The following KIF6 variants were observed in gnomAD, a reference collection of about 807,000 sequenced individuals.
The protein encoded by KIF6 is kinesin family member 6.
Under a neutral mutation model 112.7 loss-of-function variants are expected in KIF6, and 106 were observed. The observed-to-expected ratio is 0.94, with a 90% CI of 0.80 to 1.11. The LOEUF (loss-of-function observed/expected upper bound fraction) is 1.11, where lower values mean the gene tolerates loss of function less well. KIF6 is among the 50% of genes least tolerant of loss of function. KIF6 has a pLI of 0.00. For missense variants in KIF6, 929 were observed against 964.0 expected, an observed-to-expected ratio of 0.96 and a Z score of 0.48; for synonymous variants, 339 against 339.9, an observed-to-expected ratio of 1.00 and a Z score of 0.03.
chr6:39,578,163 C>A lies in KIF6; in HGVS notation c.1078-4G>T. 1 of 1,590,742 alleles carries A rather than the reference C, an allele frequency of 6.3e-7. No individual in the cohort carries two copies. The highest frequency in any genetic ancestry group is 1.7e-5 in the Admixed American group (1 of 59,954). ...CCTTTTGTAGGCGTTTAATCACCTA[C>A]AAATGGCAAAGAGGCAGAGAAAATG... On this transcript the variant is annotated splice_polypyrimidine_tract_variant and splice_region_variant and intron_variant, in intron 9 of 22. Transcript: ENST00000287152.
chr6:39,705,057 G>A (rs985870917), intron 3 of KIF6, among the ~76,000 whole-genome samples: 7 of 152,156 alleles, frequency 4.6e-5, no homozygotes, highest in East Asian at 1.9e-4. Context: ...TTGTAAAGTC[G>A]TTTAGAGCAC....
intron 15 of KIF6, among the ~76,000 whole-genome samples, chr6:39,397,433 CAAAGAGGAAAGAGGAAG>C: frequency 6.6e-6 from 1 of 152,166 alleles, no homozygotes; most frequent in Admixed American, 6.5e-5. Context: ...TAAATATTTT[CAAAGAGGAAAGAGGAAG>C]GAGAGAGGTG....
rs546516163 is a variant in KIF6, at chr6:39,616,510, G to A, written c.510-3192C>T. On this transcript the variant is annotated intron_variant, in intron 5 of 22. Coordinates refer to ENST00000287152, the MANE Select transcript of KIF6 (RefSeq NM_145027.6). ...CTGCTTAGGGCTCATTTGTGGGCAC[G>A]CTATAAAAGGGTCCACTTCTGGCAT... Among the ~76,000 whole-genome samples the A allele has an allele frequency of 6.6e-5, 10 of 152,224 alleles. No individual in the cohort carries two copies. In the East Asian group the frequency reaches 9.7e-4, roughly 15 times the overall value.
At chr6:39,356,083 C>A (rs1382768891) in intron 19 of KIF6, among the ~76,000 whole-genome samples, 1 of 151,934 alleles carries the variant, frequency 6.6e-6, no homozygotes, top group Non-Finnish European at 1.5e-5. Flanking sequence ...GACCGAGTCT[C>A]ACACTTGGTT....
intron 13 of KIF6, among the ~76,000 whole-genome samples, chr6:39,531,022 C>A (rs1778029082): frequency 6.7e-6 from 1 of 148,936 alleles, no homozygotes; most frequent in Non-Finnish European, 1.5e-5. Flanking sequence ...GTAGTTTTGC[C>A]AAAAAAAAAC....
intron 6 of KIF6, among the ~76,000 whole-genome samples, chr6:39,612,653 A>G (rs1037236543): frequency 6.6e-6 from 1 of 152,224 alleles, no homozygotes; most frequent in East Asian, 1.9e-4. Context: ...TATGCCAACA[A>G]TAGCTGCAAA....
chr6:39,497,325 T>A (rs1193333704), intron 13 of KIF6, among the ~76,000 whole-genome samples: 2 of 152,230 alleles, frequency 1.3e-5, no homozygotes, highest in African/African-American at 4.8e-5. Context: ...GCATGAAGAT[T>A]GGGATAGCTG....
Position 39,394,700 on chromosome 6 carries a change from TA to T in KIF6, c.1811-9029del, listed in dbSNP as rs1224083541. On this transcript the variant is annotated intron_variant, in intron 15 of 22. Transcript: ENST00000287152. Reference sequence around the variant, plus strand: ...ATACAGTGGGAGGCCAGGAGTGGCCTAAATGCTAGGCAAATGTTTTTAAGCT... The same window carrying T: ...ATACAGTGGGAGGCCAGGAGTGGCCTAATGCTAGGCAAATGTTTTTAAGCT... 3.3e-5 allele frequency among the ~76,000 whole-genome samples: 5 copies of T among 152,346 alleles called. No homozygotes were observed. In the East Asian group the frequency reaches 9.6e-4, roughly 29 times the overall value.
intron 3 of KIF6, among the ~76,000 whole-genome samples, chr6:39,670,064 C>T (rs1786711779): frequency 6.6e-6 from 1 of 152,290 alleles, no homozygotes. Context: ...ACACCCGTGA[C>T]AACGCCCTGA....
intron 3 of KIF6, among the ~76,000 whole-genome samples, chr6:39,641,948 T>C (rs1299362777): frequency 6.6e-6 from 1 of 152,146 alleles, no homozygotes; most frequent in Admixed American, 6.6e-5. Context: ...GCTTGACCTA[T>C]ATATACTCCC....
intron 9 of KIF6, among the ~76,000 whole-genome samples, chr6:39,582,404 T>G (rs141001159): frequency 1.9e-3 from 285 of 152,146 alleles, no homozygotes; most frequent in African/African-American, 6.6e-3. Context: ...TGTTTTGTTT[T>G]GTTTGGTTTG....
chr6:39,528,177 T>C (rs954177498), intron 13 of KIF6, among the ~76,000 whole-genome samples: 2 of 152,216 alleles, frequency 1.3e-5, no homozygotes, highest in Non-Finnish European at 2.9e-5. Flanking sequence ...TGAGTTCGAT[T>C]GTTTTAGATT....
chr6:39,371,931 C>A (rs968212447), intron 16 of KIF6, among the ~76,000 whole-genome samples: 6 of 152,142 alleles, frequency 3.9e-5, no homozygotes, highest in African/African-American at 7.2e-5. Flanking sequence ...CAGAACCATT[C>A]AAGTGAGATT....
chr6:39,416,856 G>A (rs1769955513), intron 15 of KIF6, among the ~76,000 whole-genome samples: 1 of 152,078 alleles, frequency 6.6e-6, no homozygotes, highest in Non-Finnish European at 1.5e-5. Flanking sequence ...CACAAATACA[G>A]CTTTTGTTTC....
At chr6:39,696,938 G>T (rs1561938604) in intron 3 of KIF6, among the ~76,000 whole-genome samples, 1 of 148,780 alleles carries the variant, frequency 6.7e-6, no homozygotes. Context: ...GGCAGAATTA[G>T]AAAAAAAAAA....
chr6:39,526,593 T>C (rs562677002), intron 13 of KIF6, among the ~76,000 whole-genome samples: 2 of 152,330 alleles, frequency 1.3e-5, no homozygotes, highest in East Asian at 3.9e-4. Flanking sequence ...GTGTGCATTA[T>C]CTTTCTCTCT....
chr6:39,460,495 G>T lies in KIF6; in HGVS notation c.1646-29334C>A, dbSNP rs569329806. Among the ~76,000 whole-genome samples the T allele has an allele frequency of 4.1e-5, 5 of 121,134 alleles. No homozygotes were observed. In the South Asian group the frequency reaches 1.4e-3, roughly 34 times the overall value. 79.5% of individuals were successfully genotyped at this position (121,134 alleles called of 152,430 possible). ...CATATGTAACTAACCTGCACAATGT[G>T]CACATGTACCCTAAAACTTAAAGTA... On this transcript the variant is annotated intron_variant, in intron 13 of 22. Transcript: ENST00000287152.
In KIF6 at chr6:39,342,627, T is replaced by A. The variant is rs1367193603; in HGVS notation, c.2428+1082A>T. On this transcript the variant is annotated intron_variant, in intron 22 of 22. Transcript: ENST00000287152. The surrounding 1 kb of genome is among the most constrained non-coding windows in gnomAD (Gnocchi z 4.7). The stretch of plus-strand genomic sequence containing the variant: ...TTTTTTTTTATTTTTTTTTATTTTT[T>A]TTTATTTTTAGACAAGGAAACTGAG... 2.5e-5 allele frequency among the ~76,000 whole-genome samples: 3 copies of A among 121,918 alleles called. No homozygotes were observed. Among genetic ancestry groups the A allele is most frequent in the Non-Finnish European group, 3.3e-5 (2 of 59,812 alleles). 80.0% of individuals were successfully genotyped at this position (121,918 alleles called of 152,430 possible).
intron 10 of KIF6, among the ~76,000 whole-genome samples, chr6:39,555,266 C>G (rs1779631691): frequency 6.6e-6 from 1 of 152,098 alleles, no homozygotes; most frequent in Non-Finnish European, 1.5e-5. Flanking sequence ...GGCACAGAAC[C>G]TAGGACCCAC....
Sources: allele counts gnomAD v4.1 joint callset (sites outside exome capture counted in the v4.1 genomes callset), GRCh38; gene constraint gnomAD v4.1.1; non-coding constraint Gnocchi (gnomAD v3.1); transcripts MANE v1.5; gene names NCBI Gene and HGNC (gene_info 2026-07-23, HGNC 2026-07-21).